CUL4A: variants seen among roughly 807,000 people sequenced by gnomAD.
CUL4A encodes the protein cullin 4A.
Under a neutral mutation model 95.5 loss-of-function variants are expected in CUL4A, and 16 were observed. That is an observed-to-expected ratio of 0.17 (90% CI 0.11 to 0.25). The LOEUF (loss-of-function observed/expected upper bound fraction) is 0.25, where lower values mean the gene tolerates loss of function less well. Ranked by LOEUF, CUL4A falls within the 10% of genes least tolerant of loss-of-function variation. The probability of loss-of-function intolerance (pLI) is 1.00; values close to 1 mark genes in which losing one functional copy is unlikely to be tolerated. For synonymous variants in CUL4A, 380 were observed against 353.1 expected, an observed-to-expected ratio of 1.08 and a Z score of -0.85; for missense variants, 610 against 937.0, an observed-to-expected ratio of 0.65 and a Z score of 4.56.
chr13:113,265,979 AG>A lies in CUL4A; in HGVS notation c.*2398del, dbSNP rs2042390840. On this transcript the variant is annotated 3_prime_UTR_variant, in exon 20 of 20. Coordinates refer to ENST00000375440, the MANE Select transcript of CUL4A (RefSeq NM_001008895.4). ...CAGACACAAAATTAACAAAAACATCAGTAGCTTTCCTATAAATATAGGCTAT... is the reference window on the plus strand; with the variant it reads ...CAGACACAAAATTAACAAAAACATCATAGCTTTCCTATAAATATAGGCTAT... The A allele has an allele frequency of 6.6e-6, 1 of 152,206 alleles. No homozygotes were observed. The highest frequency in any genetic ancestry group is 6.5e-5 in the Admixed American group (1 of 15,274). 9.4% of individuals were successfully genotyped at this position (152,206 alleles called of 1,614,324 possible). A position where few individuals can be genotyped will look rare whatever the true frequency, so the allele number is the denominator to read the frequency against.
chr13:113,224,376 A>G (rs2041024934), intron 3 of CUL4A, among the ~76,000 whole-genome samples: 1 of 152,112 alleles, frequency 6.6e-6, no homozygotes, highest in Admixed American at 6.5e-5. Context: ...TGTCAAGCCA[A>G]CTGTCCTCAG....
At chr13:113,241,129 C>G (rs12584813) in intron 10 of CUL4A, among the ~76,000 whole-genome samples, 32,584 of 152,128 alleles carry the variant, frequency 0.21, 3,994 homozygotes, top group South Asian at 0.43. Context: ...AGAATTGGAA[C>G]TTATAACTGA....
intron 9 of CUL4A, among the ~76,000 whole-genome samples, chr13:113,238,147 GA>G (rs1311572784): frequency 6.6e-6 from 1 of 151,998 alleles, no homozygotes; most frequent in African/African-American, 2.4e-5. Context: ...CACTTTATAA[GA>G]AAAAAGGCCA....
At chr13:113,257,862 C>G (rs942155023) in intron 18 of CUL4A, among the ~76,000 whole-genome samples, 1 of 152,196 alleles carries the variant, frequency 6.6e-6, no homozygotes, top group Non-Finnish European at 1.5e-5. Flanking sequence ...AACAGTCTAA[C>G]TGCCCCCATC....
intron 14 of CUL4A, among the ~76,000 whole-genome samples, 192 bp downstream of exon 14, chr13:113,245,429 TC>T (rs1216832468): frequency 1.3e-5 from 2 of 152,116 alleles, no homozygotes; most frequent in Non-Finnish European, 2.9e-5. Context: ...GAACAGGTAG[TC>T]CTAGCTACTG....
intron 15 of CUL4A, among the ~76,000 whole-genome samples, chr13:113,248,765 C>T (rs953538234): frequency 2.0e-5 from 3 of 152,222 alleles, no homozygotes; most frequent in South Asian, 4.1e-4. Context: ...TAATACCTAA[C>T]AAATGCTGTG....
chr13:113,226,340 C>A (rs1235463746), intron 3 of CUL4A, among the ~76,000 whole-genome samples: 2 of 152,174 alleles, frequency 1.3e-5, no homozygotes, highest in African/African-American at 2.4e-5. Flanking sequence ...TGCTGACAGG[C>A]GGTGGATCAA....
In CUL4A at chr13:113,238,381, G is replaced by T. The variant is rs188516428; in HGVS notation, c.917-1052G>T. 1.0e-3 allele frequency among the ~76,000 whole-genome samples: 154 copies of T among 151,874 alleles called. 3 individuals carry two copies. The highest frequency in any genetic ancestry group is 1.2e-3 in the Non-Finnish European group (84 of 67,954). On this transcript the variant is annotated intron_variant, in intron 9 of 19. Coordinates refer to ENST00000375440, the MANE Select transcript of CUL4A (RefSeq NM_001008895.4). Reference sequence around the variant, plus strand: ...TGGGAGGATCACTTTGGCCCAGGGGGTTAAGGCTACAAAACTACAAAAACC... The same window carrying T: ...TGGGAGGATCACTTTGGCCCAGGGGTTTAAGGCTACAAAACTACAAAAACC...
In CUL4A at chr13:113,210,025, C is replaced by G. The variant is rs867088558; in HGVS notation, c.201C>G (p.His67Gln). 8 of 1,526,514 alleles carry G rather than the reference C, an allele frequency of 5.2e-6. No homozygotes were observed. Among genetic ancestry groups the G allele is most frequent in the Middle Eastern group, 3.7e-4 (2 of 5,450 alleles). The allele number at this position is 1,526,514 out of a possible 1,614,324, so 94.6% of individuals were successfully genotyped here. A position where few individuals can be genotyped will look rare whatever the true frequency, so the allele number is the denominator to read the frequency against. ...NYTQDTWRKL[H>Q]EAVRAVQSST... ...CGCAGGACACGTGGCGGAAGCTGCA[C>G]GAGGCGGTGCGGGCCGTGCAGAGCA... is the stretch of plus-strand genomic sequence containing the variant. The change falls in exon 2 of 20, where the codon CAC becomes CAG. Residue 67 changes from histidine to glutamine, a missense_variant. Physicochemically the swap from His to Gln is conservative, Grantham distance 24. Coordinates refer to ENST00000375440, the MANE Select transcript of CUL4A (RefSeq NM_001008895.4).
upstream of CUL4A, chr13:113,208,680 G>T (rs1393595269): frequency 3.2e-6 from 5 of 1,574,032 alleles, no homozygotes; most frequent in Non-Finnish European, 3.4e-6. Context: ...GCCTCAAGCG[G>T]GCCAGCTGGC....
rs2040274371 is a variant in CUL4A at position 113,209,665 on chromosome 13, C to G, written c.38C>G (p.Ala13Gly). The change falls in exon 1 of 20, where the codon GCG becomes GGG. Residue 13 changes from alanine (A) to glycine (G), a missense_variant. Physicochemically the swap from Ala to Gly is moderately conservative, Grantham distance 60 (BLOSUM62 0). Coordinates refer to ENST00000375440, the MANE Select transcript of CUL4A (RefSeq NM_001008895.4). ...DEAPRKGSFS[A>G]LVGRTNGLTK... is the part of the protein sequence containing the mutation. ...GCCCCGCGGAAGGGCAGCTTCTCGG[C>G]GCTCGTGGGCCGCACCAACGGCCTC... 8.8e-7 allele frequency: 1 copy of G among 1,133,964 alleles called. No individual in the cohort carries two copies. The highest frequency in any genetic ancestry group is 1.7e-5 in the African/African-American group (1 of 60,474). 70.2% of individuals were successfully genotyped at this position (1,133,964 alleles called of 1,614,324 possible). A position where few individuals can be genotyped will look rare whatever the true frequency, so the allele number is the denominator to read the frequency against.
At chr13:113,226,351 G>A (rs1194315719) in intron 3 of CUL4A, among the ~76,000 whole-genome samples, 1 of 152,228 alleles carries the variant, frequency 6.6e-6, no homozygotes, top group Non-Finnish European at 1.5e-5. Flanking sequence ...GGTGGATCAA[G>A]AGTTAAAATG....
chr13:113,257,990 A>G (rs941419031), intron 18 of CUL4A, among the ~76,000 whole-genome samples: 89 of 152,060 alleles, frequency 5.9e-4, no homozygotes, highest in African/African-American at 2.0e-3. Flanking sequence ...TTCTGTGTCT[A>G]TTTCATAGCC....
intron 18 of CUL4A, among the ~76,000 whole-genome samples, chr13:113,256,009 TGTGGTGTGA>T (rs1221025892): frequency 6.6e-6 from 1 of 152,200 alleles, no homozygotes; most frequent in African/African-American, 2.4e-5. Flanking sequence ...AGCCTTTTTC[TGTGGTGTGA>T]GTGTATGTAA....
At position 113,218,986 on chromosome 13, in the gene CUL4A, C is replaced by T. The variant is rs766541599; in HGVS notation, c.306C>T (p.Leu102=). Residue 102 remains leucine (L), a synonymous_variant, in exon 3 of 20, where the codon CTC becomes CTT. Coordinates refer to ENST00000375440, the MANE Select transcript of CUL4A (RefSeq NM_001008895.4). ...NLCSHKVSPM[L]YKQLRQACED... Reference sequence around the variant, plus strand: ...GTTCTCACAAAGTCTCCCCAATGCTCTACAAGCAACTGCGTCAGGCCTGTG... The same window carrying T: ...GTTCTCACAAAGTCTCCCCAATGCTTTACAAGCAACTGCGTCAGGCCTGTG... 6.2e-6 allele frequency: 10 copies of T among 1,613,762 alleles called. No homozygotes were observed. The highest frequency in any genetic ancestry group is 8.5e-6 in the Non-Finnish European group (10 of 1,179,952).
At chr13:113,216,735 T>C (rs1261633884) in intron 2 of CUL4A, among the ~76,000 whole-genome samples, 3 of 152,216 alleles carry the variant, frequency 2.0e-5, no homozygotes, top group Admixed American at 1.3e-4. Context: ...GGGCAACTCC[T>C]GTGTTGTGCT....
chr13:113,214,045 G>A (rs531632789), intron 2 of CUL4A, among the ~76,000 whole-genome samples: 1 of 152,356 alleles, frequency 6.6e-6, no homozygotes, highest in South Asian at 2.1e-4. Context: ...CTCAGTTTTT[G>A]TATAGGTGGG....
upstream of CUL4A, chr13:113,208,722 T>C (rs2040165301): frequency 6.6e-7 from 1 of 1,506,136 alleles, no homozygotes; most frequent in Non-Finnish European, 8.9e-7. Flanking sequence ...GTCTGGGTCC[T>C]GGCGCCCCCG....
At chr13:113,240,408 CAGG>C (rs1486568295) in intron 10 of CUL4A, among the ~76,000 whole-genome samples, 9 of 152,228 alleles carry the variant, frequency 5.9e-5, no homozygotes, top group Non-Finnish European at 1.0e-4. Context: ...CTCACAGAAA[CAGG>C]AGAACTGAGG....
Sources: gnomAD v4.1 joint callset for allele counts (sites outside exome capture counted in the v4.1 genomes callset) on GRCh38, gnomAD v4.1.1 for gene constraint, MANE v1.5 for transcripts, NCBI Gene and HGNC (gene_info 2026-07-23, HGNC 2026-07-21) for gene names.